Variants in ANK3 observed in about 807,000 individuals in gnomAD.
ANK3 encodes the protein ankyrin 3, also known as ankyrin-3.
Under a neutral mutation model 370.9 loss-of-function variants are expected in ANK3, and 57 were observed. The ratio of observed to expected loss-of-function variants is 0.15; its 90% CI spans 0.12 to 0.19. The LOEUF (loss-of-function observed/expected upper bound fraction) is 0.19. Among genes scored for constraint, ANK3 ranks in the 10% least tolerant of loss-of-function variants. ANK3 has a pLI of 1.00. For synonymous variants in ANK3, 1,929 were observed against 1,946.3 expected (o/e 0.99, Z 0.23); for missense variants, 4,439 against 5,302.1 (o/e 0.84, Z 5.06).
At chr10:60,476,829 A>G (rs545874569) in intron 2 of ANK3, among the ~76,000 whole-genome samples, 10 of 152,326 alleles carry the variant, frequency 6.6e-5, no homozygotes, top group Non-Finnish European at 1.3e-4. Flanking sequence ...TTGTGTAAAA[A>G]TTAAATTGGA....
At chr10:60,217,452 A>C (rs973777063) in intron 8 of ANK3, among the ~76,000 whole-genome samples, 1 of 152,086 alleles carries the variant, frequency 6.6e-6, no homozygotes, top group Non-Finnish European at 1.5e-5. Flanking sequence ...ATTCTGGTAC[A>C]TCGTCTCTCT....
rs116996730 is a variant in ANK3, at chr10:60,502,057, C to A, written c.96+113129G>T. Among the ~76,000 whole-genome samples the A allele has an allele frequency of 7.6e-3, 1,150 of 151,900 alleles. 6 individuals are homozygous for A. The highest frequency in any genetic ancestry group is 0.012 in the Admixed American group (185 of 15,264). On this transcript the variant is annotated intron_variant, in intron 2 of 43. Coordinates refer to the ANK3 transcript ENST00000373827. ...GACTACAGGATACCCCAAATGACTA[C>A]AGGATACCCCAAATTTAAGCAAAAT... is the stretch of plus-strand genomic sequence containing the variant.
chr10:60,203,934 A>T (rs1325236039), intron 11 of ANK3, among the ~76,000 whole-genome samples: 3 of 152,212 alleles, frequency 2.0e-5, no homozygotes. Context: ...TCCATTTTAA[A>T]TTTTTCAGTT....
chr10:60,283,798 C>A (rs1009170701), intron 1 of ANK3, among the ~76,000 whole-genome samples: 18 of 152,048 alleles, frequency 1.2e-4, no homozygotes, highest in African/African-American at 4.1e-4. Context: ...AGAGTGCCAA[C>A]CTCAGTAATA....
At chr10:60,727,221 T>C (rs1242666183) in intron 1 of ANK3, among the ~76,000 whole-genome samples, 1 of 152,194 alleles carries the variant, frequency 6.6e-6, no homozygotes, top group East Asian at 1.9e-4. Context: ...ACAACTCAAA[T>C]GTCTGGTGAA....
At chr10:60,714,529 C>T (rs1377211266) in intron 1 of ANK3, among the ~76,000 whole-genome samples, 1 of 152,168 alleles carries the variant, frequency 6.6e-6, no homozygotes, top group Non-Finnish European at 1.5e-5. Context: ...AATAATCGTA[C>T]ATCTTGACCA....
chr10:60,308,717 A>G (rs577190701), intron 1 of ANK3, among the ~76,000 whole-genome samples: 2 of 152,094 alleles, frequency 1.3e-5, no homozygotes, highest in African/African-American at 2.4e-5. Context: ...AGCCCCTACC[A>G]TCCAAAACCC....
At chr10:60,476,272 C>A (rs937437414) in intron 2 of ANK3, among the ~76,000 whole-genome samples, 8 of 152,062 alleles carry the variant, frequency 5.3e-5, no homozygotes, top group Admixed American at 2.6e-4. Flanking sequence ...GTTGAAGGAA[C>A]AAAAGGAGGA....
intron 2 of ANK3, among the ~76,000 whole-genome samples, chr10:60,498,366 T>C (rs1413521835): frequency 6.6e-6 from 1 of 152,148 alleles, no homozygotes; most frequent in Non-Finnish European, 1.5e-5. Context: ...TTAGCTTATT[T>C]TTATCTTTTG....
Position 60,203,033 on chromosome 10 carries a change from T to C in ANK3, c.1361A>G (p.His454Arg), listed in dbSNP as rs774827889. 9 of 1,613,000 alleles carry C rather than the reference T, an allele frequency of 5.6e-6. No homozygotes were observed. The highest frequency in any genetic ancestry group is 1.7e-5 in the Admixed American group (1 of 59,940). The change falls in exon 12 of 44, where the codon CAT becomes CGT. Residue 454 changes from histidine to arginine, a missense_variant. His to Arg is a conservative substitution (Grantham distance 29). Coordinates refer to ENST00000280772, the MANE Select transcript of ANK3 (RefSeq NM_020987.5). The stretch of plus-strand genomic sequence containing the variant: ...GGTGGTGTTTGGTGAGGCTCCATGA[T>C]GCATTAGTTGTGATACAATATTTAC... ...GHVNIVSQLM[H>R]HGASPNTTNV... is the part of the protein sequence containing the mutation.
At chr10:60,080,090 G>A (rs1327149652) in intron 36 of ANK3, among the ~76,000 whole-genome samples, 1 of 151,946 alleles carries the variant, frequency 6.6e-6, no homozygotes, top group Non-Finnish European at 1.5e-5. Context: ...CTTGCAAAGT[G>A]GGAAGAAAAA....
chr10:60,364,023 G>A (rs2059042489), intron 1 of ANK3, among the ~76,000 whole-genome samples: 1 of 148,536 alleles, frequency 6.7e-6, no homozygotes, highest in Non-Finnish European at 1.5e-5. Flanking sequence ...GCCGGGCTCA[G>A]TGGCTCAAGC....
rs558872148 is a variant in ANK3, at chr10:60,198,398, T to C, written c.1631A>G (p.His544Arg). ...CAAAAGGAACGCGGCCACATCCTCA[T>C]GCCCCTCTCGGGCGGAAAGGTGAAG... is the stretch of plus-strand genomic sequence containing the variant. ...TPLHLSAREG[H>R]EDVAAFLLDH... The change falls in exon 14 of 44, where the codon CAT (histidine) becomes CGT (arginine). Residue 544 changes from histidine (H) to arginine (R), a missense_variant. Coordinates refer to ENST00000280772, the MANE Select transcript of ANK3 (RefSeq NM_020987.5). 1 of 1,614,220 alleles carries C rather than the reference T, an allele frequency of 6.2e-7. No individual in the cohort carries two copies. Among genetic ancestry groups the C allele is most frequent in the East Asian group, 2.2e-5 (1 of 44,880 alleles).
Position 60,389,406 on chromosome 10 carries a change from C to T in ANK3, c.114+19G>A, listed in dbSNP as rs186021084. On this transcript the variant is annotated intron_variant, in intron 1 of 43. Coordinates refer to ENST00000280772, the MANE Select transcript of ANK3 (RefSeq NM_020987.5). ...AAAAAGAATCCAGGCAAGATATATG[C>T]TCTGGCATACATAGATACCTTTTTC... 1,280 of 1,609,208 alleles carry T rather than the reference C, an allele frequency of 8.0e-4. 10 individuals carry two copies. The highest frequency in any genetic ancestry group is 1.7e-4 in the Non-Finnish European group (202 of 1,177,014).
chr10:60,387,835 G>C (rs1182430116), intron 1 of ANK3, among the ~76,000 whole-genome samples: 1 of 152,092 alleles, frequency 6.6e-6, no homozygotes, highest in Non-Finnish European at 1.5e-5. Flanking sequence ...AGGCACAAAG[G>C]TAACAGATCT....
intron 1 of ANK3, among the ~76,000 whole-genome samples, chr10:60,667,693 C>T (rs1357365387): frequency 6.6e-6 from 1 of 151,386 alleles, no homozygotes; most frequent in Admixed American, 6.6e-5. Context: ...CCTTCCTTTC[C>T]TTTCCAGTGA....
At chr10:60,042,968 A>C (rs9888034) in intron 42 of ANK3, 781,480 of 1,343,778 alleles carry the variant, frequency 0.58, 228,830 homozygotes, top group East Asian at 0.74. Flanking sequence ...AAATGAATAC[A>C]ACATAATTGT....
chr10:60,654,495 A>G (rs548619871), intron 1 of ANK3, among the ~76,000 whole-genome samples: 1 of 152,296 alleles, frequency 6.6e-6, no homozygotes, highest in South Asian at 2.1e-4. Flanking sequence ...AGTGTTTATT[A>G]TGAATATCAA....
intron 9 of ANK3, among the ~76,000 whole-genome samples, chr10:60,208,599 T>C (rs986312315): frequency 3.2e-4 from 49 of 152,144 alleles, no homozygotes; most frequent in Admixed American, 3.2e-3. Flanking sequence ...GAAGCGATCC[T>C]CCTGCCTTAG....
Sources: allele counts gnomAD v4.1 joint callset (sites outside exome capture counted in the v4.1 genomes callset), GRCh38; gene constraint gnomAD v4.1.1; transcripts MANE v1.5; gene names NCBI Gene and HGNC (gene_info 2026-07-23, HGNC 2026-07-21).